The following CDKN2AIPNL variants were observed in gnomAD, a reference collection of about 807,000 sequenced individuals.
CDKN2AIPNL encodes the protein XRN2 binding domain containing 1, also known as CDKN2AIP N-terminal-like protein.
A neutral mutation model predicts 12.9 loss-of-function variants in CDKN2AIPNL; 9 were observed. That is an observed-to-expected ratio of 0.70 (90% CI 0.42 to 1.22). The LOEUF (loss-of-function observed/expected upper bound fraction) is 1.22. Among genes scored for constraint, CDKN2AIPNL ranks in the 50% most tolerant of loss-of-function variants. The pLI is 0.00. For missense variants in CDKN2AIPNL, 143 were observed against 153.6 expected (o/e 0.93, Z 0.37); for synonymous variants, 53 against 61.7 (o/e 0.86, Z 0.66).
chr5:134,409,489 G>A (rs1759158495), intron 2 of CDKN2AIPNL, among the ~76,000 whole-genome samples: 1 of 152,232 alleles, frequency 6.6e-6, no homozygotes. Flanking sequence ...CTCCAGGCAC[G>A]TTCTTATCAG....
intron 2 of CDKN2AIPNL, among the ~76,000 whole-genome samples, chr5:134,405,927 C>G (rs1362482931): frequency 3.3e-5 from 5 of 152,176 alleles, no homozygotes; most frequent in Non-Finnish European, 7.3e-5. Flanking sequence ...AGCTGCTGCT[C>G]TTTGTTAATT....
intron 2 of CDKN2AIPNL, among the ~76,000 whole-genome samples, chr5:134,406,819 G>A (rs1759111562): frequency 6.6e-6 from 1 of 152,206 alleles, no homozygotes; most frequent in South Asian, 2.1e-4. Flanking sequence ...GCGGGTAGCC[G>A]TGAGCAAGCC....
intron 1 of CDKN2AIPNL, chr5:134,410,719 G>C: frequency 2.6e-6 from 1 of 390,754 alleles, no homozygotes; most frequent in Non-Finnish European, 4.7e-6. Context: ...GCTTCCCTAC[G>C]TACTGTTCTA....
At chr5:134,408,418 C>T (rs1045938961) in intron 2 of CDKN2AIPNL, among the ~76,000 whole-genome samples, 7 of 151,170 alleles carry the variant, frequency 4.6e-5, no homozygotes, top group Non-Finnish European at 7.4e-5. Flanking sequence ...ACCTGTAATC[C>T]CAGCACTTTG....
intron 2 of CDKN2AIPNL, among the ~76,000 whole-genome samples, chr5:134,405,307 G>A (rs1353314942): frequency 2.0e-5 from 3 of 149,844 alleles, no homozygotes; most frequent in South Asian, 4.2e-4. Context: ...GGGTTTCACC[G>A]TGTTAGCCAA....
intron 2 of CDKN2AIPNL, among the ~76,000 whole-genome samples, chr5:134,409,244 G>A (rs1364820143): frequency 6.6e-6 from 1 of 152,212 alleles, no homozygotes. Context: ...AGATAAGCGA[G>A]CAATTAATTC....
chr5:134,410,131 A>G, intron 1 of CDKN2AIPNL, 129 bp from the exon 2 acceptor site: 1 of 614,420 alleles, frequency 1.6e-6, no homozygotes, highest in Non-Finnish European at 2.9e-6. Flanking sequence ...GGGCAAACCT[A>G]TACATGTTCC....
chr5:134,411,500 G>C (rs1002021217), intron 1 of CDKN2AIPNL, 116 bp downstream of exon 1: 1 of 832,480 alleles, frequency 1.2e-6, no homozygotes, highest in East Asian at 2.6e-5. Context: ...AATGCGGATG[G>C]AGGTTGGGCC....
At chr5:134,411,509 C>T (rs1199902068) in intron 1 of CDKN2AIPNL, 107 bp downstream of exon 1, 1 of 958,232 alleles carries the variant, frequency 1.0e-6, no homozygotes, top group African/African-American at 1.6e-5. Flanking sequence ...GGAGGTTGGG[C>T]CCGGGTTCAG....
chr5:134,404,942 C>T (rs1323638733), intron 2 of CDKN2AIPNL, among the ~76,000 whole-genome samples: 1 of 151,866 alleles, frequency 6.6e-6, no homozygotes, highest in Admixed American at 6.6e-5. Context: ...GGTACTACCA[C>T]GCCCGGCTAA....
intron 2 of CDKN2AIPNL, among the ~76,000 whole-genome samples, chr5:134,407,256 A>AACACACACACAC (rs5871539): frequency 0.019 from 2,647 of 139,664 alleles, 44 homozygotes; most frequent in Non-Finnish European, 0.025. Flanking sequence ...GACCCTTCCT[A>AACACACACACAC]ACACACACAC....
intron 1 of CDKN2AIPNL, chr5:134,410,992 G>C: frequency 1.4e-6 from 1 of 701,416 alleles, no homozygotes; most frequent in Non-Finnish European, 2.6e-6. Context: ...AGGATGAAGT[G>C]GGCTTTGAGA....
chr5:134,411,522 TG>T (rs992212596), intron 1 of CDKN2AIPNL, 93 bp downstream of exon 1: 92 of 1,113,210 alleles, frequency 8.3e-5, no homozygotes, highest in Non-Finnish European at 1.1e-4. Context: ...GGGTTCAGTC[TG>T]GGGCAGAGGT....
chr5:134,403,814 T>G (rs988620808), intron 2 of CDKN2AIPNL, among the ~76,000 whole-genome samples: 4 of 152,140 alleles, frequency 2.6e-5, no homozygotes, highest in African/African-American at 9.7e-5. Context: ...TTAGTAGAGA[T>G]GGGGTTTCAC....
At chr5:134,404,545 C>A (rs1261271953) in intron 2 of CDKN2AIPNL, among the ~76,000 whole-genome samples, 1 of 151,768 alleles carries the variant, frequency 6.6e-6, no homozygotes, top group African/African-American at 2.4e-5. Context: ...CCAGGCTGGT[C>A]TGGAACTCCT....
At chr5:134,411,130 A>G (rs1352049439) in intron 1 of CDKN2AIPNL, 1 of 702,502 alleles carries the variant, frequency 1.4e-6, no homozygotes, top group Admixed American at 2.0e-5. Flanking sequence ...ACATCCTCTC[A>G]TTAGTGATTA....
chr5:134,408,115 A>T (rs1054833033), intron 2 of CDKN2AIPNL, among the ~76,000 whole-genome samples: 16 of 152,110 alleles, frequency 1.1e-4, no homozygotes, highest in Admixed American at 1.0e-3. Context: ...TGGGTGACAA[A>T]GTGAGCCTCT....
chr5:134,409,289 T>C (rs532274847), intron 2 of CDKN2AIPNL, among the ~76,000 whole-genome samples: 1 of 152,260 alleles, frequency 6.6e-6, no homozygotes, highest in South Asian at 2.1e-4. Flanking sequence ...AACAAGCATG[T>C]TTTGGAGGTG....
intron 2 of CDKN2AIPNL, among the ~76,000 whole-genome samples, chr5:134,407,256 A>ACACACACAC (rs1759118693): frequency 7.2e-6 from 1 of 139,610 alleles, no homozygotes; most frequent in African/African-American, 2.7e-5. Flanking sequence ...GACCCTTCCT[A>ACACACACAC]ACACACACAC....
Sources: allele counts gnomAD v4.1 joint callset (sites outside exome capture counted in the v4.1 genomes callset), GRCh38; gene constraint gnomAD v4.1.1; transcripts MANE v1.5; gene names NCBI Gene and HGNC (gene_info 2026-07-23, HGNC 2026-07-21).